RNGTT: variants seen among roughly 807,000 people sequenced by gnomAD.
The protein encoded by RNGTT is RNA guanylyltransferase and 5'-phosphatase, also known as mRNA-capping enzyme.
In RNGTT, 33 loss-of-function variants were observed where a neutral mutation model predicts 79.3. That is an observed-to-expected ratio of 0.42 (90% CI 0.32 to 0.56). The LOEUF (loss-of-function observed/expected upper bound fraction) is 0.56, where lower values mean the gene tolerates loss of function less well. RNGTT is among the 20% of genes least tolerant of loss of function. The pLI is 0.17. For missense variants in RNGTT, 497 were observed against 739.1 expected (o/e 0.67, Z 3.80); for synonymous variants, 222 against 235.9 (o/e 0.94, Z 0.54).
intron 7 of RNGTT, 144 bp downstream of exon 7, chr6:88,891,662 T>G (rs1783052092): frequency 4.3e-6 from 2 of 462,918 alleles, no homozygotes; most frequent in South Asian, 1.1e-4. Context: ...ATTGCATTGA[T>G]TGTCTTGAAC....
At chr6:88,669,228 A>G (rs1197738422) in intron 14 of RNGTT, among the ~76,000 whole-genome samples, 2 of 152,196 alleles carry the variant, frequency 1.3e-5, no homozygotes, top group Non-Finnish European at 2.9e-5. Context: ...TAAATGTGCC[A>G]ATACCAGAAC....
intron 12 of RNGTT, among the ~76,000 whole-genome samples, chr6:88,790,743 A>C (rs1265818116): frequency 6.6e-6 from 1 of 152,226 alleles, no homozygotes; most frequent in Non-Finnish European, 1.5e-5. Flanking sequence ...TTAATTATTA[A>C]AGCTGAGTTC....
At chr6:88,653,634 A>T (rs1046600037) in intron 14 of RNGTT, among the ~76,000 whole-genome samples, 1 of 152,214 alleles carries the variant, frequency 6.6e-6, no homozygotes, top group Non-Finnish European at 1.5e-5. Context: ...AGAAATTAAA[A>T]TTTTCAATGC....
In RNGTT at chr6:88,678,427, G is replaced by GA. The variant is rs760842093; in HGVS notation, c.1440-9dup. On this transcript the variant is annotated splice_polypyrimidine_tract_variant and intron_variant, in intron 13 of 15. Transcript: ENST00000369485. Reference sequence around the variant, plus strand: ...ACATTCTGAGGAAGTAACCTACAAAGAAAAAAAAGCATTATTTATAAAATA... The same window carrying GA: ...ACATTCTGAGGAAGTAACCTACAAAGAAAAAAAAAGCATTATTTATAAAATA... 83 of 1,385,422 alleles carry GA rather than the reference G, an allele frequency of 6.0e-5. 1 individual carries two copies. Among genetic ancestry groups the GA allele is most frequent in the South Asian group, 4.4e-4 (21 of 47,594 alleles). 85.8% of individuals were successfully genotyped at this position (1,385,422 alleles called of 1,614,324 possible). A position where few individuals can be genotyped will look rare whatever the true frequency, so the allele number is the denominator to read the frequency against.
intron 11 of RNGTT, among the ~76,000 whole-genome samples, chr6:88,820,760 A>T (rs972216793): frequency 1.3e-5 from 2 of 152,180 alleles, no homozygotes; most frequent in African/African-American, 4.8e-5. Context: ...CTACATATAA[A>T]AATCTGTATT....
rs115416581 is a variant in RNGTT, at chr6:88,826,060, C to A, written c.1269+18297G>T. On this transcript the variant is annotated intron_variant, in intron 11 of 15. Coordinates refer to ENST00000369485, the MANE Select transcript of RNGTT (RefSeq NM_003800.5). ...ATACTTCCCCATTTCACAGCCCACACGTTCACATGTCTGAAAACAGCACTT... is the reference window on the plus strand; with the variant it reads ...ATACTTCCCCATTTCACAGCCCACAAGTTCACATGTCTGAAAACAGCACTT... Among the ~76,000 whole-genome samples, 695 of 152,292 alleles carry A rather than the reference C, an allele frequency of 4.6e-3. 4 individuals carry two copies. Among genetic ancestry groups the A allele is most frequent in the African/African-American group, 0.015 (638 of 41,550 alleles).
intron 1 of RNGTT, among the ~76,000 whole-genome samples, chr6:88,945,609 C>A (rs909585708): frequency 6.6e-6 from 1 of 152,174 alleles, no homozygotes. Context: ...ACTCTCTCTA[C>A]GGTCTCTGCC....
At chr6:88,832,534 C>A (rs182622132) in intron 11 of RNGTT, among the ~76,000 whole-genome samples, 1 of 152,248 alleles carries the variant, frequency 6.6e-6, no homozygotes, top group East Asian at 1.9e-4. Flanking sequence ...GCAAAGACTT[C>A]ATGACTAAAA....
In RNGTT at chr6:88,700,536, G is replaced by T. The variant is rs559318967; in HGVS notation, c.1440-22117C>A. 1.1e-4 allele frequency among the ~76,000 whole-genome samples: 17 copies of T among 152,114 alleles called. No individual in the cohort carries two copies. In the South Asian group the frequency reaches 2.5e-3, roughly 22 times the overall value. ...TTCTTCCATTATGCCAGTTAATAAG[G>T]GGGGGCAGTTACAAGGTCAGGAAAG... On this transcript the variant is annotated intron_variant, in intron 13 of 15. Transcript: ENST00000369485.
chr6:88,917,802 G>A lies in RNGTT; in HGVS notation c.367+11183C>T, dbSNP rs182250097. Among the ~76,000 whole-genome samples, 499 of 152,192 alleles carry A rather than the reference G, an allele frequency of 3.3e-3. 1 individual carries two copies. The highest frequency in any genetic ancestry group is 5.3e-3 in the Non-Finnish European group (359 of 68,014). ...CTCGGGAGGCTGCGGCAGGAGAATC[G>A]CGTGAGCCCAGGAGGCAGAGATTGC... On this transcript the variant is annotated intron_variant, in intron 4 of 15. Coordinates refer to ENST00000369485, the MANE Select transcript of RNGTT (RefSeq NM_003800.5).
chr6:88,726,033 G>A (rs1404826806), intron 13 of RNGTT, among the ~76,000 whole-genome samples: 1 of 151,942 alleles, frequency 6.6e-6, no homozygotes, highest in Non-Finnish European at 1.5e-5. Context: ...GAGACAGAGA[G>A]TCAAAGAGAG....
chr6:88,944,259 T>C (rs1336065260), intron 1 of RNGTT, among the ~76,000 whole-genome samples: 1 of 152,218 alleles, frequency 6.6e-6, no homozygotes, highest in Non-Finnish European at 1.5e-5. Flanking sequence ...GTTTTACAGA[T>C]GAGAACAAAG....
chr6:88,709,218 C>A (rs1040041478), intron 13 of RNGTT, among the ~76,000 whole-genome samples: 3 of 151,838 alleles, frequency 2.0e-5, no homozygotes, highest in Non-Finnish European at 2.9e-5. Flanking sequence ...GGCAGGAGAA[C>A]CACTTGAACC....
Position 88,612,650 on chromosome 6 carries a change from T to C in RNGTT, c.*69A>G. 1.4e-6 allele frequency: 2 copies of C among 1,399,560 alleles called. No individual in the cohort carries two copies. The highest frequency in any genetic ancestry group is 1.9e-6 in the Non-Finnish European group (2 of 1,026,068). 86.7% of individuals were successfully genotyped at this position (1,399,560 alleles called of 1,614,324 possible). On this transcript the variant is annotated 3_prime_UTR_variant, in exon 16 of 16. Transcript: ENST00000369485. ...ACAGTCGTTTTTCAATTTCTCTGGC[T>C]ACAAAAATGGGCAACAGCGTTTTTT...
At chr6:88,796,203 T>G (rs1437092708) in intron 12 of RNGTT, among the ~76,000 whole-genome samples, 1 of 152,210 alleles carries the variant, frequency 6.6e-6, no homozygotes, top group Admixed American at 6.5e-5. Flanking sequence ...AAATATATTA[T>G]TAAAATTAAT....
intron 11 of RNGTT, among the ~76,000 whole-genome samples, chr6:88,823,552 G>T (rs916291035): frequency 6.6e-6 from 1 of 151,570 alleles, no homozygotes; most frequent in African/African-American, 2.4e-5. Flanking sequence ...GATATGTAAA[G>T]AACTTCTCCA....
At chr6:88,622,482 T>C (rs962777237) in intron 14 of RNGTT, among the ~76,000 whole-genome samples, 1 of 152,142 alleles carries the variant, frequency 6.6e-6, no homozygotes, top group African/African-American at 2.4e-5. Flanking sequence ...CTAAATCAAA[T>C]GGACTCATCT....
rs183304065 is a variant in RNGTT, at chr6:88,828,570, G to A, written c.1269+15787C>T. 1.8e-3 allele frequency among the ~76,000 whole-genome samples: 275 copies of A among 152,248 alleles called. 3 individuals carry two copies. The highest frequency in any genetic ancestry group is 6.5e-3 in the African/African-American group (269 of 41,568). ...GAGGAATTGACAGAAGTAGGCTTCA[G>A]AAGGTGGGTAATAACAAACTCCTCC... is the stretch of plus-strand genomic sequence containing the variant. On this transcript the variant is annotated intron_variant, in intron 11 of 15. Coordinates refer to ENST00000369485, the MANE Select transcript of RNGTT (RefSeq NM_003800.5).
Position 88,711,413 on chromosome 6 carries a change from A to G in RNGTT, c.1440-32994T>C, listed in dbSNP as rs111550274. On this transcript the variant is annotated intron_variant, in intron 13 of 15. Transcript: ENST00000369485. ...TGTAGTTACTGTTCAGTAATATTATATAACATGTATTATTAGTTCCATATT... is the reference window on the plus strand; with the variant it reads ...TGTAGTTACTGTTCAGTAATATTATGTAACATGTATTATTAGTTCCATATT... 8.3e-3 allele frequency among the ~76,000 whole-genome samples: 1,261 copies of G among 152,322 alleles called. 19 individuals are homozygous for G. Among genetic ancestry groups the G allele is most frequent in the African/African-American group, 0.029 (1,188 of 41,582 alleles).
Sources: gnomAD v4.1 joint callset for allele counts (sites outside exome capture counted in the v4.1 genomes callset) on GRCh38, gnomAD v4.1.1 for gene constraint, MANE v1.5 for transcripts, NCBI Gene and HGNC (gene_info 2026-07-23, HGNC 2026-07-21) for gene names.